Variants in KIF6 observed in about 807,000 individuals in gnomAD.
The protein encoded by KIF6 is kinesin-like protein KIF6.
Under a neutral mutation model 112.7 loss-of-function variants are expected in KIF6, and 106 were observed. That is an observed-to-expected ratio of 0.94 (90% CI 0.80 to 1.11). The LOEUF (loss-of-function observed/expected upper bound fraction) is 1.11. Ranked by LOEUF, KIF6 falls within the 50% of genes least tolerant of loss-of-function variation. The pLI is 0.00. For missense variants in KIF6, 929 were observed against 964.0 expected (o/e 0.96, Z 0.48); for synonymous variants, 339 against 339.9 (o/e 1.00, Z 0.03).
intron 7 of KIF6, among the ~76,000 whole-genome samples, chr6:39,594,582 G>A (rs1782142984): frequency 6.6e-6 from 1 of 152,168 alleles, no homozygotes; most frequent in Non-Finnish European, 1.5e-5. Context: ...GATTCATCTG[G>A]TTGGAGTGTG....
intron 13 of KIF6, among the ~76,000 whole-genome samples, chr6:39,516,413 G>A (rs1777087525): frequency 6.8e-6 from 1 of 147,266 alleles, no homozygotes; most frequent in African/African-American, 2.5e-5. Flanking sequence ...GTAAAATATT[G>A]TGTCATACTG....
chr6:39,505,050 T>C (rs1356082265), intron 13 of KIF6, among the ~76,000 whole-genome samples: 1 of 152,174 alleles, frequency 6.6e-6, no homozygotes, highest in Non-Finnish European at 1.5e-5. Flanking sequence ...AAGACAATCC[T>C]AAGCAAAAAG....
At position 39,639,688 on chromosome 6, in the gene KIF6, G is replaced by T. The variant is rs777393728; in HGVS notation, c.321C>A (p.Ile107=). The T allele has an allele frequency of 5.0e-6, 8 of 1,612,074 alleles. No individual in the cohort carries two copies. The Admixed American group carries it at 1.3e-4, about 27-fold the overall frequency. ...GQTGSGKTFT[I]TGGAERYSDR... ...CACTGTAACGCTCTGCACCCCCTGT[G>T]ATAGTGAATGTCTTCCCGCTGCCTG... Residue 107 remains isoleucine, a synonymous_variant, in exon 4 of 23, where the codon ATC becomes ATA. Coordinates refer to ENST00000287152, the MANE Select transcript of KIF6 (RefSeq NM_145027.6).
At chr6:39,565,981 C>T (rs1406250226) in intron 10 of KIF6, among the ~76,000 whole-genome samples, 1 of 152,144 alleles carries the variant, frequency 6.6e-6, no homozygotes, top group Non-Finnish European at 1.5e-5. Flanking sequence ...CAGAGAATTC[C>T]ACCTGGCATG....
chr6:39,372,067 T>C (rs1766045819), intron 16 of KIF6, among the ~76,000 whole-genome samples: 1 of 152,190 alleles, frequency 6.6e-6, no homozygotes, highest in Non-Finnish European at 1.5e-5. Context: ...CTCCTCACAG[T>C]TGGCCTGAGT....
intron 3 of KIF6, among the ~76,000 whole-genome samples, chr6:39,703,952 G>A (rs967520351): frequency 1.8e-4 from 27 of 152,134 alleles, no homozygotes; most frequent in African/African-American, 6.5e-4. Flanking sequence ...ATCAAGGTGA[G>A]AAATAATAAC....
chr6:39,390,664 A>G (rs11751584), intron 15 of KIF6, among the ~76,000 whole-genome samples: 6,369 of 152,238 alleles, frequency 0.042, 192 homozygotes, highest in Non-Finnish European at 0.049. Flanking sequence ...CTGTTTGACT[A>G]TACTACTAGA....
chr6:39,435,150 G>T (rs1408449686), intron 13 of KIF6, among the ~76,000 whole-genome samples: 2 of 152,128 alleles, frequency 1.3e-5, no homozygotes, highest in Non-Finnish European at 2.9e-5. Context: ...CTGACAGAAA[G>T]GGCAAGGTGG....
intron 13 of KIF6, among the ~76,000 whole-genome samples, chr6:39,436,804 C>T (rs566348043): frequency 1.1e-3 from 160 of 152,150 alleles, no homozygotes; most frequent in South Asian, 4.1e-3. Flanking sequence ...TAATGTAATT[C>T]CTCCAGATTT....
intron 15 of KIF6, among the ~76,000 whole-genome samples, chr6:39,398,722 G>A (rs1768459896): frequency 6.6e-6 from 1 of 152,182 alleles, no homozygotes; most frequent in Admixed American, 6.5e-5. Context: ...TGCTTCTTTA[G>A]CAGAACTATA....
intron 13 of KIF6, among the ~76,000 whole-genome samples, chr6:39,505,296 T>C (rs369383625): frequency 2.0e-5 from 3 of 152,280 alleles, no homozygotes; most frequent in South Asian, 2.1e-4. Context: ...TGGCTAGCCA[T>C]GTGCAGAAAA....
intron 5 of KIF6, among the ~76,000 whole-genome samples, chr6:39,628,482 A>G (rs1182792507): frequency 6.6e-6 from 1 of 152,042 alleles, no homozygotes; most frequent in Non-Finnish European, 1.5e-5. Flanking sequence ...CTGCATCATC[A>G]CAAGGATCCT....
rs181822978 is a variant in KIF6 at position 39,667,697 on chromosome 6, G to A, written c.252-27940C>T. ...ACAAGGTAATAGTACTGCTGAGCATGATGCAATTATCCTGTGAGTGTAATT... is the reference window on the plus strand; with the variant it reads ...ACAAGGTAATAGTACTGCTGAGCATAATGCAATTATCCTGTGAGTGTAATT... On this transcript the variant is annotated intron_variant, in intron 3 of 22. Coordinates refer to ENST00000287152, the MANE Select transcript of KIF6 (RefSeq NM_145027.6). 4.6e-5 allele frequency among the ~76,000 whole-genome samples: 7 copies of A among 152,298 alleles called. No individual in the cohort carries two copies. In the East Asian group the frequency reaches 1.4e-3, roughly 29 times the overall value.
At chr6:39,473,089 TTGG>T (rs1774224099) in intron 13 of KIF6, among the ~76,000 whole-genome samples, 1 of 152,126 alleles carries the variant, frequency 6.6e-6, no homozygotes, top group South Asian at 2.1e-4. Context: ...TTTCTCCATG[TTGG>T]TCAGGCTGGC....
intron 19 of KIF6, chr6:39,354,017 A>T: frequency 5.4e-6 from 2 of 367,434 alleles, no homozygotes; most frequent in South Asian, 4.6e-5. Context: ...GCCCAGATTG[A>T]TAGATGACGA....
chr6:39,537,422 A>G (rs995540364), intron 13 of KIF6, among the ~76,000 whole-genome samples: 1 of 152,100 alleles, frequency 6.6e-6, no homozygotes, highest in Non-Finnish European at 1.5e-5. Flanking sequence ...TACACCAACA[A>G]CAGACAAACA....
intron 13 of KIF6, among the ~76,000 whole-genome samples, chr6:39,466,822 C>T (rs1017890844): frequency 1.3e-5 from 2 of 152,194 alleles, no homozygotes; most frequent in African/African-American, 4.8e-5. Flanking sequence ...GGCAGAAGTT[C>T]TCTTCCAGGT....
intron 13 of KIF6, among the ~76,000 whole-genome samples, chr6:39,536,292 G>A (rs191402520): frequency 0.012 from 1,810 of 151,652 alleles, 22 homozygotes; most frequent in Non-Finnish European, 0.02. Flanking sequence ...TTTTTTAAAG[G>A]ATCAACAAAA....
intron 15 of KIF6, among the ~76,000 whole-genome samples, chr6:39,409,735 C>T (rs1048256035): frequency 5.9e-5 from 9 of 152,250 alleles, no homozygotes; most frequent in East Asian, 3.9e-4. Flanking sequence ...ATGGCGGCTG[C>T]GAGGAGGGCT....
Sources: gnomAD v4.1 joint callset for allele counts (sites outside exome capture counted in the v4.1 genomes callset) on GRCh38, gnomAD v4.1.1 for gene constraint, MANE v1.5 for transcripts, NCBI Gene and HGNC (gene_info 2026-07-23, HGNC 2026-07-21) for gene names.